The following NELL1 variants were observed in gnomAD, a reference collection of about 807,000 sequenced individuals.
NELL1 encodes neural EGFL like 1, also known as protein kinase C-binding protein NELL1.
Under a neutral mutation model 107.4 loss-of-function variants are expected in NELL1, and 76 were observed. The observed-to-expected ratio is 0.71, with a 90% CI of 0.59 to 0.86. NELL1 has a LOEUF of 0.86. Among genes scored for constraint, NELL1 ranks in the 40% least tolerant of loss-of-function variants. The probability of loss-of-function intolerance (pLI) is 0.00; values close to 1 mark genes in which losing one functional copy is unlikely to be tolerated. For missense variants in NELL1, 1,024 were observed against 1,005.5 expected (o/e 1.02, Z -0.25); for synonymous variants, 353 against 341.2 (o/e 1.03, Z -0.38).
intron 14 of NELL1, among the ~76,000 whole-genome samples, chr11:21,247,678 A>G (rs1265645262): frequency 6.6e-6 from 1 of 152,248 alleles, no homozygotes; most frequent in African/African-American, 2.4e-5. Flanking sequence ...GGACTATACA[A>G]CAATGATTAA....
At chr11:21,038,509 T>A (rs1009120549) in intron 12 of NELL1, among the ~76,000 whole-genome samples, 1 of 152,208 alleles carries the variant, frequency 6.6e-6, no homozygotes. Context: ...ATATTTGGAC[T>A]GAGGTAAACA....
At chr11:21,242,729 TCAC>T (rs1468025217) in intron 14 of NELL1, among the ~76,000 whole-genome samples, 2 of 152,132 alleles carry the variant, frequency 1.3e-5, no homozygotes, top group Non-Finnish European at 2.9e-5. Flanking sequence ...AACCGTGTCA[TCAC>T]CACTTTTCTC....
intron 2 of NELL1, among the ~76,000 whole-genome samples, chr11:20,756,082 C>T (rs1590264843): frequency 6.6e-6 from 1 of 150,522 alleles, no homozygotes; most frequent in East Asian, 2.0e-4. Flanking sequence ...TTAGTGGAGA[C>T]GGGGTTTCAC....
At chr11:20,712,290 A>G (rs1855133100) in intron 2 of NELL1, among the ~76,000 whole-genome samples, 1 of 149,524 alleles carries the variant, frequency 6.7e-6, no homozygotes, top group Non-Finnish European at 1.5e-5. Flanking sequence ...TGTGTCTTTC[A>G]TTTCCAGAAA....
At chr11:21,280,231 A>G (rs1848962691) in intron 14 of NELL1, among the ~76,000 whole-genome samples, 1 of 152,200 alleles carries the variant, frequency 6.6e-6, no homozygotes, top group Admixed American at 6.5e-5. Flanking sequence ...CTGATGCATC[A>G]GTGTTGGTTC....
intron 2 of NELL1, among the ~76,000 whole-genome samples, chr11:20,734,558 A>G (rs1855718220): frequency 6.6e-6 from 1 of 152,140 alleles, no homozygotes; most frequent in South Asian, 2.1e-4. Context: ...TGGATTGGAT[A>G]TGGAGTATGA....
chr11:21,567,022 G>A (rs1023677380), intron 17 of NELL1, among the ~76,000 whole-genome samples: 6 of 151,792 alleles, frequency 4.0e-5, no homozygotes, highest in African/African-American at 4.8e-5. Flanking sequence ...CAGCACATAG[G>A]AAGAAAACTG....
At chr11:20,971,186 T>C (rs1851494015) in intron 12 of NELL1, among the ~76,000 whole-genome samples, 1 of 152,114 alleles carries the variant, frequency 6.6e-6, no homozygotes, top group South Asian at 2.1e-4. Flanking sequence ...TGGCCTTACA[T>C]TATTTTTTAG....
chr11:21,461,477 C>T (rs939931024), intron 15 of NELL1, among the ~76,000 whole-genome samples: 1 of 152,054 alleles, frequency 6.6e-6, no homozygotes, highest in Non-Finnish European at 1.5e-5. Context: ...AATTAGAGTG[C>T]TGTAGAAAAC....
chr11:21,125,173 C>T (rs1306235859), intron 13 of NELL1, among the ~76,000 whole-genome samples: 2 of 152,098 alleles, frequency 1.3e-5, no homozygotes, highest in Admixed American at 1.3e-4. Flanking sequence ...AGAAACAAGG[C>T]AGTTGGTCCA....
intron 13 of NELL1, among the ~76,000 whole-genome samples, chr11:21,114,148 T>A (rs142545838): frequency 6.6e-6 from 1 of 152,034 alleles, no homozygotes; most frequent in African/African-American, 2.4e-5. Context: ...GGTCAAAGTT[T>A]AGGTATATGG....
chr11:21,529,121 G>T (rs1177692853), intron 15 of NELL1, among the ~76,000 whole-genome samples: 1 of 152,062 alleles, frequency 6.6e-6, no homozygotes, highest in African/African-American at 2.4e-5. Context: ...ACAGTTTCAG[G>T]TCTGTGGAAG....
chr11:21,301,098 T>A (rs183997532), intron 14 of NELL1, among the ~76,000 whole-genome samples: 6 of 152,294 alleles, frequency 3.9e-5, no homozygotes, highest in African/African-American at 1.2e-4. Context: ...GACTGCATAT[T>A]ATTCCATGGT....
chr11:21,449,026 C>A (rs1853514624), intron 15 of NELL1, among the ~76,000 whole-genome samples: 1 of 152,130 alleles, frequency 6.6e-6, no homozygotes, highest in Non-Finnish European at 1.5e-5. Context: ...GTATTAATAA[C>A]TGTTTATATT....
chr11:20,893,884 A>G (rs1849671558), intron 5 of NELL1, among the ~76,000 whole-genome samples: 1 of 149,660 alleles, frequency 6.7e-6, no homozygotes, highest in South Asian at 2.1e-4. Flanking sequence ...AAAATAGGCC[A>G]AACTAAACAT....
chr11:20,841,321 T>G lies in NELL1; in HGVS notation c.336-6262T>G, dbSNP rs543294775. 1.1e-3 allele frequency among the ~76,000 whole-genome samples: 161 copies of G among 145,910 alleles called. 1 individual carries two copies. The highest frequency in any genetic ancestry group is 3.6e-3 in the Middle Eastern group (1 of 280). ...TAATACACAGCACCTCTGCTCATGT[T>G]TTTTTTTTTTTTTTTTGGTGACAGC... On this transcript the variant is annotated intron_variant, in intron 3 of 19. Coordinates refer to ENST00000357134, the MANE Select transcript of NELL1 (RefSeq NM_006157.5).
chr11:20,803,558 A>C (rs558072052), intron 3 of NELL1, among the ~76,000 whole-genome samples: 1 of 151,598 alleles, frequency 6.6e-6, no homozygotes, highest in South Asian at 2.1e-4. Flanking sequence ...TTCTGCTCTG[A>C]CCTTTATTAT....
intron 14 of NELL1, among the ~76,000 whole-genome samples, chr11:21,277,304 A>G (rs2133942766): frequency 6.6e-6 from 1 of 152,280 alleles, no homozygotes. Context: ...AAAAATGCTC[A>G]TCATCACTGG....
At chr11:20,876,768 C>T (rs1483746355) in intron 4 of NELL1, among the ~76,000 whole-genome samples, 1 of 151,118 alleles carries the variant, frequency 6.6e-6, no homozygotes, top group Non-Finnish European at 1.5e-5. Flanking sequence ...ATCTCAAAAA[C>T]AAAACAAAAC....
Sources: gnomAD v4.1 joint callset for allele counts (sites outside exome capture counted in the v4.1 genomes callset) on GRCh38, gnomAD v4.1.1 for gene constraint, MANE v1.5 for transcripts, NCBI Gene and HGNC (gene_info 2026-07-23, HGNC 2026-07-21) for gene names.